The following USP25 variants were observed in gnomAD, a reference collection of about 807,000 sequenced individuals.
USP25 encodes ubiquitin carboxyl-terminal hydrolase 25.
A neutral mutation model predicts 158.5 loss-of-function variants in USP25; 85 were observed. That is an observed-to-expected ratio of 0.54 (90% confidence interval 0.45 to 0.64). The LOEUF (loss-of-function observed/expected upper bound fraction) is 0.64. Among genes scored for constraint, USP25 ranks in the 30% least tolerant of loss-of-function variants. The pLI is 0.00. For missense variants in USP25, 1,242 were observed against 1,327.3 expected, an observed-to-expected ratio of 0.94 and a Z score of 1.00; for synonymous variants, 464 against 460.4, an observed-to-expected ratio of 1.01 and a Z score of -0.10.
chr21:15,858,416 C>T (rs917016706), intron 20 of USP25, among the ~76,000 whole-genome samples: 3 of 151,002 alleles, frequency 2.0e-5, no homozygotes, highest in African/African-American at 7.3e-5. Context: ...TAATTTATTC[C>T]TACATAATTT....
At chr21:15,833,632 AT>A in intron 17 of USP25, 84 bp downstream of exon 17, 1 of 1,224,376 alleles carries the variant, frequency 8.2e-7, no homozygotes, top group East Asian at 2.6e-5. Flanking sequence ...AGTTTTAGCT[AT>A]CTTAAAGTGT....
Position 15,808,835 on chromosome 21 carries a change from A to G in USP25, c.807A>G (p.Lys269=), listed in dbSNP as rs772139891. The G allele has an allele frequency of 3.1e-6, 5 of 1,610,244 alleles. No homozygotes were observed. In the East Asian group the frequency reaches 8.9e-5, roughly 29 times the overall value. ...AAGATGTGAGTGAGTTTACACACAA[A>G]TTATTAGATTGGTTAGAAGATGCCT... ...QQQDVSEFTH[K]LLDWLEDAFQ... is the part of the protein sequence containing the mutation. The change falls in exon 8 of 26, where the codon AAA becomes AAG. Residue 269 remains lysine (K), a synonymous_variant. Coordinates refer to ENST00000400183, the MANE Select transcript of USP25 (RefSeq NM_001283041.3).
At chr21:15,801,322 A>ATATACTAGATATACTGAT (rs1221459715) in intron 6 of USP25, among the ~76,000 whole-genome samples, 1 of 151,566 alleles carries the variant, frequency 6.6e-6, no homozygotes, top group Non-Finnish European at 1.5e-5. Context: ...ACGAGTTGTG[A>ATATACTAGATATACTGAT]ATACTAGAGA....
Position 15,764,145 on chromosome 21 carries a change from A to G in USP25, c.123+1177A>G, listed in dbSNP as rs987544765. Among the ~76,000 whole-genome samples, 12 of 152,134 alleles carry G rather than the reference A, an allele frequency of 7.9e-5. 1 individual carries two copies. Among genetic ancestry groups the G allele is most frequent in the Admixed American group, 2.6e-4 (4 of 15,272 alleles). Reference sequence around the variant, plus strand: ...TATTTGGAGAGGAAGCAGAAGTGCTATACCTCAATTTTTATGATTATGACG... The same window carrying G: ...TATTTGGAGAGGAAGCAGAAGTGCTGTACCTCAATTTTTATGATTATGACG... On this transcript the variant is annotated intron_variant, in intron 2 of 25. Transcript: ENST00000400183.
chr21:15,869,336 A>T (rs2039788984), intron 22 of USP25, among the ~76,000 whole-genome samples: 1 of 152,132 alleles, frequency 6.6e-6, no homozygotes, highest in African/African-American at 2.4e-5. Context: ...TTTATATAAA[A>T]GCCTTAACAC....
chr21:15,739,268 A>G (rs1485534049), intron 1 of USP25, among the ~76,000 whole-genome samples: 2 of 152,210 alleles, frequency 1.3e-5, no homozygotes, highest in Admixed American at 1.3e-4. Flanking sequence ...TTGCTGATCT[A>G]AAAAGGCAGT....
At chr21:15,758,466 C>T (rs1251781337) in intron 1 of USP25, among the ~76,000 whole-genome samples, 1 of 152,094 alleles carries the variant, frequency 6.6e-6, no homozygotes, top group Non-Finnish European at 1.5e-5. Context: ...AGAGCAGTTC[C>T]CCTGAAGATG....
intron 17 of USP25, 102 bp downstream of exon 17, chr21:15,833,650 A>G (rs1287846303): frequency 3.9e-6 from 4 of 1,028,594 alleles, no homozygotes; most frequent in Non-Finnish European, 4.2e-6. Context: ...GTGTGAGGAA[A>G]TCAGTAGAAA....
At chr21:15,792,916 G>T (rs1356758789) in intron 5 of USP25, among the ~76,000 whole-genome samples, 1 of 151,462 alleles carries the variant, frequency 6.6e-6, no homozygotes, top group Non-Finnish European at 1.5e-5. Context: ...TTTGCTTCTA[G>T]CCTTGATTAT....
At chr21:15,857,043 CT>C (rs1295977604) in intron 20 of USP25, among the ~76,000 whole-genome samples, 1 of 152,216 alleles carries the variant, frequency 6.6e-6, no homozygotes. Context: ...CTGTCTCCTA[CT>C]AGCTGTTACC....
intron 3 of USP25, among the ~76,000 whole-genome samples, chr21:15,769,636 C>T (rs2034237187): frequency 6.6e-6 from 1 of 152,094 alleles, no homozygotes; most frequent in Admixed American, 6.6e-5. Flanking sequence ...GATTAATAGT[C>T]AGAGGAGAGA....
intron 14 of USP25, among the ~76,000 whole-genome samples, chr21:15,830,219 A>G (rs768041845): frequency 1.3e-5 from 2 of 152,156 alleles, no homozygotes; most frequent in Admixed American, 6.5e-5. Flanking sequence ...AGCAATATGT[A>G]AGGAAGCTTA....
chr21:15,791,447 T>C lies in USP25; in HGVS notation c.393-55T>C, dbSNP rs1268238094. On this transcript the variant is annotated intron_variant, in intron 4 of 25. Transcript: ENST00000400183. Reference sequence around the variant, plus strand: ...GAAAATGCTTTTAGAATGTGTGATATGCCTGGGATATATACCATTATATAA... The same window carrying C: ...GAAAATGCTTTTAGAATGTGTGATACGCCTGGGATATATACCATTATATAA... 10 of 1,459,688 alleles carry C rather than the reference T, an allele frequency of 6.9e-6. No individual in the cohort carries two copies. The East Asian group carries it at 2.2e-4, about 32-fold the overall frequency. The allele number at this position is 1,459,688 out of a possible 1,614,324, so 90.4% of individuals were successfully genotyped here.
chr21:15,875,966 G>C lies in USP25; in HGVS notation c.3009+1440G>C, dbSNP rs547941366. On this transcript the variant is annotated intron_variant, in intron 24 of 25. Coordinates refer to ENST00000400183, the MANE Select transcript of USP25 (RefSeq NM_001283041.3). The surrounding 1 kb of genome is among the most constrained non-coding windows in gnomAD (Gnocchi z 4.7). ...AAGAACCTTAGAGGGGAAAGTCAAG[G>C]GACGGAGAGTGAGGACCTCAACTCA... 1.3e-5 allele frequency: 2 copies of C among 152,206 alleles called. No individual in the cohort carries two copies. The highest frequency in any genetic ancestry group is 2.9e-5 in the Non-Finnish European group (2 of 68,054). 9.4% of individuals were successfully genotyped at this position (152,206 alleles called of 1,614,324 possible).
intron 18 of USP25, among the ~76,000 whole-genome samples, chr21:15,846,234 C>T (rs2038610875): frequency 7.2e-6 from 1 of 138,472 alleles, no homozygotes; most frequent in Non-Finnish European, 1.5e-5. Context: ...GCAGTCTCAG[C>T]TCTCTGCAAC....
chr21:15,873,245 G>C (rs2039966476), intron 23 of USP25, among the ~76,000 whole-genome samples: 4 of 151,562 alleles, frequency 2.6e-5, no homozygotes. Context: ...TGAGTAGCTG[G>C]TACTACAGGC....
chr21:15,762,286 AG>A (rs1325418712), intron 1 of USP25, among the ~76,000 whole-genome samples: 6 of 152,100 alleles, frequency 3.9e-5, no homozygotes, highest in Non-Finnish European at 7.3e-5. Context: ...AAGGGCCATC[AG>A]GGGAGAGTTT....
rs1013725973 is a variant in USP25, at chr21:15,729,996, C to A, written c.-398C>A. ...AGGACAACGCCATTCCGGGCGGCCG[C>A]TCCCTCCGTCCCCTCTCTCCCTTCC... On this transcript the variant is annotated 5_prime_UTR_variant, in exon 1 of 26. Coordinates refer to ENST00000400183, the MANE Select transcript of USP25 (RefSeq NM_001283041.3). 2.0e-5 allele frequency: 3 copies of A among 151,558 alleles called. No homozygotes were observed. The highest frequency in any genetic ancestry group is 7.2e-5 in the African/African-American group (3 of 41,386). The allele number at this position is 151,558 out of a possible 1,614,324, so 9.4% of individuals were successfully genotyped here. A position where few individuals can be genotyped will look rare whatever the true frequency, so the allele number is the denominator to read the frequency against.
intron 1 of USP25, among the ~76,000 whole-genome samples, chr21:15,761,696 A>C (rs2033735758): frequency 6.6e-6 from 1 of 152,182 alleles, no homozygotes; most frequent in South Asian, 2.1e-4. Context: ...AGGAGGAATC[A>C]GGGGAGAAGA....
Sources: allele counts gnomAD v4.1 joint callset (sites outside exome capture counted in the v4.1 genomes callset), GRCh38; gene constraint gnomAD v4.1.1; non-coding constraint Gnocchi (gnomAD v3.1); transcripts MANE v1.5; gene names NCBI Gene and HGNC (gene_info 2026-07-23, HGNC 2026-07-21).